The following AREL1 variants were observed in gnomAD, a reference collection of about 807,000 sequenced individuals.
The protein encoded by AREL1 is apoptosis-resistant E3 ubiquitin protein ligase 1.
In AREL1, 62 loss-of-function variants were observed where a neutral mutation model predicts 99.0. The ratio of observed to expected loss-of-function variants is 0.63; its 90% CI spans 0.51 to 0.77. AREL1 has a LOEUF of 0.77. Among genes scored for constraint, AREL1 ranks in the 30% least tolerant of loss-of-function variants. The pLI is 0.00. For synonymous variants in AREL1, 380 were observed against 376.5 expected (o/e 1.01, Z -0.11); for missense variants, 879 against 1,027.6 (o/e 0.86, Z 1.98).
intron 5 of AREL1, among the ~76,000 whole-genome samples, chr14:74,682,086 CA>C (rs996423771): frequency 6.6e-6 from 1 of 152,104 alleles, no homozygotes; most frequent in Admixed American, 6.5e-5. Flanking sequence ...CCACTGGTGG[CA>C]AAGAGGTGGG....
chr14:74,680,003 C>CT (rs1217133241), intron 5 of AREL1, among the ~76,000 whole-genome samples: 1 of 151,628 alleles, frequency 6.6e-6, no homozygotes, highest in African/African-American at 2.4e-5. Flanking sequence ...TGGCAAAACT[C>CT]TGTCTCTACA....
intron 18 of AREL1, among the ~76,000 whole-genome samples, chr14:74,664,532 C>T (rs1221701280): frequency 6.7e-6 from 1 of 148,420 alleles, no homozygotes; most frequent in Non-Finnish European, 1.5e-5. Flanking sequence ...CAGCTCACTC[C>T]ACCTCCTGGG....
intron 1 of AREL1, among the ~76,000 whole-genome samples, chr14:74,702,813 T>A (rs1196100490): frequency 6.6e-6 from 1 of 152,164 alleles, no homozygotes; most frequent in African/African-American, 2.4e-5. Flanking sequence ...TTCCACAGAT[T>A]TCTAGGGCAG....
At position 74,664,026 on chromosome 14, in the gene AREL1, A is replaced by G. The variant is rs1040013789; in HGVS notation, c.2242T>C (p.Leu748=). Reference sequence around the variant, plus strand: ...GTTGTGAACTGAAGTAGCCGAGCCAACTCCTCCTGGGTCAGACTGGAAACC... The same window carrying G: ...GTTGTGAACTGAAGTAGCCGAGCCAGCTCCTCCTGGGTCAGACTGGAAACC... The part of the protein sequence containing the change: ...TVVSSLTQEE[L]ARLLQFTTGS... Residue 748 remains leucine, a synonymous_variant, in exon 19 of 20, where the codon TTG becomes CTG. Transcript: ENST00000356357. 8 of 1,613,880 alleles carry G rather than the reference A, an allele frequency of 5.0e-6. No homozygotes were observed. The African/African-American group carries it at 5.3e-5, about 11-fold the overall frequency.
intron 5 of AREL1, among the ~76,000 whole-genome samples, chr14:74,677,492 T>G (rs939821766): frequency 4.8e-5 from 7 of 144,778 alleles, no homozygotes; most frequent in Non-Finnish European, 1.0e-4. Context: ...GGAGACCCTG[T>G]CTCTCTCCTT....
intron 2 of AREL1, among the ~76,000 whole-genome samples, chr14:74,688,314 C>CA (rs2139933898): frequency 6.6e-6 from 1 of 152,194 alleles, no homozygotes; most frequent in South Asian, 2.1e-4. Flanking sequence ...CGTGAGCCAC[C>CA]ACGCCCGGCC....
At chr14:74,668,680 A>C (rs140074364) in intron 15 of AREL1, among the ~76,000 whole-genome samples, 4 of 152,218 alleles carry the variant, frequency 2.6e-5, no homozygotes, top group Middle Eastern at 6.8e-3. Context: ...GAATCCCATA[A>C]TTTCCAGAAA....
chr14:74,661,338 G>C lies in AREL1; in HGVS notation c.*2382C>G, dbSNP rs1428769824. 2.2e-6 allele frequency: 1 copy of C among 456,314 alleles called. No individual in the cohort carries two copies. Among genetic ancestry groups the C allele is most frequent in the Non-Finnish European group, 4.4e-6 (1 of 226,736 alleles). 28.3% of individuals were successfully genotyped at this position (456,314 alleles called of 1,614,324 possible). A position where few individuals can be genotyped will look rare whatever the true frequency, so the allele number is the denominator to read the frequency against. ...GCCTGGCCCTTTCACCTGGCCTGAC[G>C]AATCTGCAGCAGGGCTTGGTCTCTG... is the stretch of plus-strand genomic sequence containing the variant. On this transcript the variant is annotated 3_prime_UTR_variant, in exon 20 of 20. Transcript: ENST00000356357.
At chr14:74,670,945 T>C in intron 12 of AREL1, 74 bp from the exon 13 acceptor site, 2 of 1,162,536 alleles carry the variant, frequency 1.7e-6, no homozygotes, top group South Asian at 1.3e-5. Flanking sequence ...TGAGTCATCA[T>C]TTTATACTCT....
At chr14:74,696,225 A>G (rs1464199003) in intron 1 of AREL1, among the ~76,000 whole-genome samples, 1 of 152,204 alleles carries the variant, frequency 6.6e-6, no homozygotes, top group African/African-American at 2.4e-5. Context: ...ATAAACAAAT[A>G]CATTTTTCTA....
At chr14:74,671,319 T>TG in intron 12 of AREL1, 89 bp downstream of exon 12, 1 of 413,994 alleles carries the variant, frequency 2.4e-6, no homozygotes, top group Non-Finnish European at 4.1e-6. Flanking sequence ...AGGTAAGAGT[T>TG]GCTTTTTTTT....
chr14:74,703,476 A>G (rs1232864475), intron 1 of AREL1, among the ~76,000 whole-genome samples: 3 of 152,226 alleles, frequency 2.0e-5, no homozygotes, highest in Admixed American at 2.0e-4. Context: ...CAGCCAAACC[A>G]TATCAAAAGA....
chr14:74,688,685 C>G (rs147050051), intron 2 of AREL1, among the ~76,000 whole-genome samples: 1 of 152,148 alleles, frequency 6.6e-6, no homozygotes, highest in Non-Finnish European at 1.5e-5. Context: ...CACTGCTCTA[C>G]AACAGCTCTC....
At chr14:74,697,048 G>T (rs1187660130) in intron 1 of AREL1, among the ~76,000 whole-genome samples, 1 of 152,164 alleles carries the variant, frequency 6.6e-6, no homozygotes, top group African/African-American at 2.4e-5. Context: ...CAGAAGCTAA[G>T]GCAGGAGGAT....
rs75801078 is a variant in AREL1 at position 74,675,090 on chromosome 14, T to C, written c.1080+609A>G. On this transcript the variant is annotated intron_variant, in intron 8 of 19. Transcript: ENST00000356357. ...TACTAAAGAAGACAAAGAAGTATAA[T>C]GAAACTATCAGCTGCTTCAACAATT... Among the ~76,000 whole-genome samples the C allele has an allele frequency of 8.1e-3, 1,240 of 152,346 alleles. 26 individuals carry two copies. The East Asian group carries it at 0.083, about 10-fold the overall frequency.
chr14:74,703,053 C>A (rs1221489547), intron 1 of AREL1, among the ~76,000 whole-genome samples: 1 of 152,210 alleles, frequency 6.6e-6, no homozygotes, highest in Non-Finnish European at 1.5e-5. Flanking sequence ...CTGCCTGTTA[C>A]CCAGTTCCAA....
intron 1 of AREL1, among the ~76,000 whole-genome samples, chr14:74,703,915 C>T (rs764115143): frequency 6.6e-5 from 10 of 152,138 alleles, no homozygotes; most frequent in African/African-American, 1.4e-4. Flanking sequence ...ACTGCCAAAC[C>T]GTTTACCAAA....
chr14:74,701,864 G>T (rs1201900512), intron 1 of AREL1: 4 of 152,196 alleles, frequency 2.6e-5, no homozygotes, highest in Admixed American at 6.5e-5. Flanking sequence ...GGGAGAAATT[G>T]GCCAAAACAA....
At position 74,664,863 on chromosome 14, in the gene AREL1, A is replaced by G. The variant is rs777855034; in HGVS notation, c.2166T>C (p.Val722=). 8.1e-6 allele frequency: 13 copies of G among 1,613,732 alleles called. No homozygotes were observed. In the South Asian group the frequency reaches 8.8e-5, roughly 11 times the overall value. ...TTTCTCTGAAATGCCATGAGCCACC[A>G]ACAACTACTGCATGGGCTTTGAAGT... is the stretch of plus-strand genomic sequence containing the variant. ...VSDFKAHAVV[V]GGSWHFREKV... is the part of the protein sequence containing the mutation. The change falls in exon 18 of 20, where the codon GTT becomes GTC. Residue 722 remains valine, a synonymous_variant. Coordinates refer to ENST00000356357, the MANE Select transcript of AREL1 (RefSeq NM_001039479.2).
Sources: allele counts gnomAD v4.1 joint callset (sites outside exome capture counted in the v4.1 genomes callset), GRCh38; gene constraint gnomAD v4.1.1; transcripts MANE v1.5; gene names NCBI Gene and HGNC (gene_info 2026-07-23, HGNC 2026-07-21).